Variants in SHISA9 observed in about 807,000 individuals in gnomAD.
SHISA9 encodes protein shisa-9.
A neutral mutation model predicts 38.0 loss-of-function variants in SHISA9; 13 were observed. The ratio of observed to expected loss-of-function variants is 0.34; its 90% CI spans 0.22 to 0.54. SHISA9 has a LOEUF of 0.54. SHISA9 is among the 20% of genes least tolerant of loss of function. The probability of loss-of-function intolerance (pLI) is 0.91; values close to 1 mark genes in which losing one functional copy is unlikely to be tolerated. For missense variants in SHISA9, 538 were observed against 575.8 expected, an observed-to-expected ratio of 0.93 and a Z score of 0.67; for synonymous variants, 275 against 242.0, an observed-to-expected ratio of 1.14 and a Z score of -1.27.
At chr16:13,044,870 C>T (rs901470213) in intron 2 of SHISA9, among the ~76,000 whole-genome samples, 1 of 152,186 alleles carries the variant, frequency 6.6e-6, no homozygotes, top group African/African-American at 2.4e-5. Context: ...TAAAATCTCC[C>T]ATCATAAAAA....
the SHISA9 span, among the ~76,000 whole-genome samples, chr16:13,262,019 A>C: frequency 1.3e-5 from 2 of 152,212 alleles, no homozygotes; most frequent in Admixed American, 1.3e-4. Context: ...CTTCAAAAGT[A>C]ATAGATAGAT....
Position 13,119,826 on chromosome 16 carries a change from T to G in SHISA9, c.692-83568T>G, listed in dbSNP as rs74012278. Among the ~76,000 whole-genome samples the G allele has an allele frequency of 3.3e-3, 496 of 152,334 alleles. 6 individuals carry two copies. The highest frequency in any genetic ancestry group is 0.011 in the African/African-American group (459 of 41,576). On this transcript the variant is annotated intron_variant, in intron 2 of 4. Transcript: ENST00000558583. ...TAACTAGTTATTTCAGGCAAGTACTTAATATTGAAAGGGAGTTAATAGTTT... is the reference window on the plus strand; with the variant it reads ...TAACTAGTTATTTCAGGCAAGTACTGAATATTGAAAGGGAGTTAATAGTTT...
chr16:13,200,194 T>TC (rs1192016819), intron 2 of SHISA9, among the ~76,000 whole-genome samples: 2 of 152,036 alleles, frequency 1.3e-5, no homozygotes, highest in African/African-American at 4.8e-5. Flanking sequence ...GTTCTCTAAC[T>TC]CCCCCATCCT....
Position 12,901,929 on chromosome 16 carries a change from C to G in SHISA9, c.-136C>G, listed in dbSNP as rs2071020805. The G allele has an allele frequency of 1.8e-6, 1 of 557,960 alleles. No homozygotes were observed. Among genetic ancestry groups the G allele is most frequent in the Admixed American group, 4.8e-5 (1 of 20,630 alleles). The allele number at this position is 557,960 out of a possible 1,614,324, so 34.6% of individuals were successfully genotyped here. The stretch of plus-strand genomic sequence containing the variant: ...TGGCCGCCGACCACCGAGCGCCCCG[C>G]GCCGCTCCCTGCATGTGCGGCCCGC... On this transcript the variant is annotated 5_prime_UTR_variant, in exon 1 of 5. Transcript: ENST00000558583.
chr16:13,016,847 T>G (rs998439063), intron 2 of SHISA9, among the ~76,000 whole-genome samples: 3 of 152,158 alleles, frequency 2.0e-5, no homozygotes, highest in Non-Finnish European at 4.4e-5. Context: ...TTGGGGACAT[T>G]AAAAAATATA....
the SHISA9 span, among the ~76,000 whole-genome samples, chr16:13,309,712 C>G: frequency 6.6e-6 from 1 of 150,606 alleles, no homozygotes; most frequent in Non-Finnish European, 1.5e-5. Flanking sequence ...ATTTTTAACT[C>G]TTTTATGATT....
chr16:13,354,607 T>A, the SHISA9 span, among the ~76,000 whole-genome samples: 1 of 147,408 alleles, frequency 6.8e-6, no homozygotes, highest in Admixed American at 6.8e-5. Flanking sequence ...TTGAGCATAG[T>A]TTGTGATTTT....
chr16:13,525,001 CA>C, the SHISA9 span, among the ~76,000 whole-genome samples: 1 of 152,148 alleles, frequency 6.6e-6, no homozygotes, highest in Non-Finnish European at 1.5e-5. Context: ...GGTAGGGTAT[CA>C]ACACACCAGT....
At chr16:13,349,517 C>A in the SHISA9 span, among the ~76,000 whole-genome samples, 1 of 152,218 alleles carries the variant, frequency 6.6e-6, no homozygotes, top group African/African-American at 2.4e-5. Flanking sequence ...TAATACCACA[C>A]AGAGCCACTG....
chr16:13,431,586 A>G, the SHISA9 span, among the ~76,000 whole-genome samples: 34 of 152,246 alleles, frequency 2.2e-4, no homozygotes, highest in African/African-American at 7.5e-4. Context: ...TTTTTCCAAC[A>G]CAATGCCCAG....
the SHISA9 span, among the ~76,000 whole-genome samples, chr16:13,362,883 A>G: frequency 1.3e-5 from 2 of 152,138 alleles, no homozygotes; most frequent in Admixed American, 6.5e-5. Flanking sequence ...TTAATCCCCA[A>G]GTGACTTCTC....
At chr16:13,153,640 G>C (rs930713319) in intron 2 of SHISA9, among the ~76,000 whole-genome samples, 1 of 152,124 alleles carries the variant, frequency 6.6e-6, no homozygotes, top group Non-Finnish European at 1.5e-5. Context: ...TTTCATCCCA[G>C]TACAAGCTCC....
chr16:12,970,409 A>ATG (rs1389126626), intron 2 of SHISA9, among the ~76,000 whole-genome samples: 31 of 18,668 alleles, frequency 1.7e-3, no homozygotes, highest in East Asian at 3.0e-3. Flanking sequence ...ATATACATAT[A>ATG]TATATATACA....
At chr16:12,918,847 C>T (rs2071291901) in intron 2 of SHISA9, among the ~76,000 whole-genome samples, 1 of 152,158 alleles carries the variant, frequency 6.6e-6, no homozygotes, top group African/African-American at 2.4e-5. Context: ...TTATATAATC[C>T]TTCCAGGTTG....
chr16:13,044,682 T>C (rs755711535), intron 2 of SHISA9, among the ~76,000 whole-genome samples: 2 of 152,148 alleles, frequency 1.3e-5, no homozygotes, highest in Admixed American at 6.6e-5. Context: ...ATAGAATGTA[T>C]GAAGGCTCCG....
chr16:13,032,097 G>C (rs1192603942), intron 2 of SHISA9, among the ~76,000 whole-genome samples: 2 of 151,508 alleles, frequency 1.3e-5, no homozygotes, highest in Non-Finnish European at 2.9e-5. Context: ...ATGGTTGTTT[G>C]CTGTACCTAT....
intron 3 of SHISA9, among the ~76,000 whole-genome samples, chr16:13,209,440 G>T (rs180850794): frequency 9.9e-4 from 151 of 152,296 alleles, no homozygotes; most frequent in African/African-American, 3.3e-3. Context: ...GACCCTCAAA[G>T]AATCAGTCTA....
At chr16:13,061,249 GCGATATAAATACGCCTCACACAC>G (rs1338145987) in intron 2 of SHISA9, among the ~76,000 whole-genome samples, 2 of 152,160 alleles carry the variant, frequency 1.3e-5, no homozygotes, top group Non-Finnish European at 2.9e-5. Flanking sequence ...GCTACAGCCA[GCGATATAAATACGCCTCACACAC>G]GGCGTTAAAA....
At chr16:13,103,600 A>G (rs531525667) in intron 2 of SHISA9, among the ~76,000 whole-genome samples, 1 of 152,256 alleles carries the variant, frequency 6.6e-6, no homozygotes, top group African/African-American at 2.4e-5. Flanking sequence ...ATGAAGTCAC[A>G]GTAACAGGAA....
Sources: gnomAD v4.1 joint callset for allele counts (sites outside exome capture counted in the v4.1 genomes callset) on GRCh38, gnomAD v4.1.1 for gene constraint, MANE v1.5 for transcripts, NCBI Gene and HGNC (gene_info 2026-07-23, HGNC 2026-07-21) for gene names.